Variants in PRPS1 observed in about 807,000 individuals in gnomAD.
The protein encoded by PRPS1 is ribose-phosphate pyrophosphokinase 1.
A neutral mutation model predicts 16.9 loss-of-function variants in PRPS1; 1 was observed. That is an observed-to-expected ratio of 0.06 (90% CI 0.02 to 0.28). PRPS1 has a LOEUF of 0.28. Ranked by LOEUF, PRPS1 falls within the 10% of genes least tolerant of loss-of-function variation. The pLI is 1.00. For missense variants in PRPS1, 47 were observed against 254.0 expected (o/e 0.19, Z 5.54); for synonymous variants, 70 against 90.2 (o/e 0.78, Z 1.27).
chrX:107,647,582 C>A, intron 5 of PRPS1, 24 bp from the exon 6 acceptor site: 1 of 1,209,540 alleles, frequency 8.3e-7, no homozygotes, highest in Non-Finnish European at 1.1e-6. Context: ...AAGATGAATC[C>A]AAATCAACAT....
intron 1 of PRPS1, chrX:107,630,285 G>A (rs1004004768): frequency 1.8e-5 from 2 of 112,181 alleles, no homozygotes; most frequent in Non-Finnish European, 3.8e-5. Flanking sequence ...GTTTTCTTTG[G>A]CCCCTGTGGA....
At chrX:107,639,192 A>G (rs1925518409) in intron 1 of PRPS1, 103 bp from the exon 2 acceptor site, 7 of 996,351 alleles carry the variant, frequency 7.0e-6, no homozygotes, top group South Asian at 5.9e-5. Flanking sequence ...AATATTTTCA[A>G]TCCACACTTG....
At chrX:107,638,639 T>C (rs1048164286) in intron 1 of PRPS1, among the ~76,000 whole-genome samples, 2 of 111,696 alleles carry the variant, frequency 1.8e-5, no homozygotes, top group Non-Finnish European at 3.8e-5. Context: ...CAGGCTGGTT[T>C]TGAACTCCTG....
rs1249855446 is a variant in PRPS1, at chrX:107,650,615, G to A, written c.*583G>A. 3.3e-6 allele frequency: 1 copy of A among 307,673 alleles called. No individual in the cohort carries two copies. The highest frequency in any genetic ancestry group is 4.6e-5 in the East Asian group (1 of 21,658). The allele number at this position is 307,673 out of a possible 1,213,427, so 25.4% of individuals were successfully genotyped here. ...AGCAAATGTTTCTTGGGAGGAAGAA[G>A]CCTGATCCATCACCATCTGCTTGAC... On this transcript the variant is annotated 3_prime_UTR_variant, in exon 7 of 7. Coordinates refer to ENST00000372435, the MANE Select transcript of PRPS1 (RefSeq NM_002764.4).
chrX:107,650,377 A>G lies in PRPS1; in HGVS notation c.*345A>G. On this transcript the variant is annotated 3_prime_UTR_variant, in exon 7 of 7. Coordinates refer to ENST00000372435, the MANE Select transcript of PRPS1 (RefSeq NM_002764.4). ...AGACTACTTTGTATGTGAATGCTTC[A>G]GGGTTTTCTTTGTTGAGAACAACTA... 2.4e-6 allele frequency: 1 copy of G among 409,426 alleles called. No homozygotes were observed. Among genetic ancestry groups the G allele is most frequent in the Non-Finnish European group, 4.2e-6 (1 of 236,905 alleles). 33.7% of individuals were successfully genotyped at this position (409,426 alleles called of 1,213,427 possible).
intron 6 of PRPS1, 116 bp from the exon 7 acceptor site, chrX:107,649,824 C>T: frequency 8.8e-7 from 1 of 1,136,831 alleles, no homozygotes; most frequent in Non-Finnish European, 1.2e-6. Flanking sequence ...GGAAACAGCA[C>T]AGTGTTGCAG....
At chrX:107,648,715 T>G (rs1019733407) in intron 6 of PRPS1, among the ~76,000 whole-genome samples, 5 of 111,407 alleles carry the variant, frequency 4.5e-5, no homozygotes, top group African/African-American at 1.6e-4. Context: ...AAGGATTTTT[T>G]TTCAACTTAG....
intron 1 of PRPS1, among the ~76,000 whole-genome samples, chrX:107,630,738 A>AAC (rs111543861): frequency 0.17 from 15,857 of 95,710 alleles, 1,425 homozygotes; most frequent in African/African-American, 0.32. Context: ...TTATTTAGGA[A>AAC]ACACACACAC....
intron 2 of PRPS1, 102 bp downstream of exon 2, chrX:107,639,580 T>A: frequency 6.8e-6 from 6 of 879,237 alleles, no homozygotes; most frequent in Non-Finnish European, 9.8e-6. Context: ...GGGGGAATTT[T>A]AAAAATCACC....
intron 1 of PRPS1, among the ~76,000 whole-genome samples, chrX:107,632,567 T>C (rs757839327): frequency 9.8e-5 from 11 of 112,673 alleles, no homozygotes; most frequent in Non-Finnish European, 2.1e-4. Flanking sequence ...GCCAGTCTTC[T>C]GGCCTCACCA....
intron 2 of PRPS1, among the ~76,000 whole-genome samples, chrX:107,639,807 T>G (rs929340996): frequency 9.0e-6 from 1 of 111,568 alleles, no homozygotes; most frequent in African/African-American, 3.3e-5. Flanking sequence ...AACTGTAAGA[T>G]TGGGATCCTA....
At chrX:107,642,980 T>C (rs1925610573) in intron 4 of PRPS1, among the ~76,000 whole-genome samples, 1 of 112,306 alleles carries the variant, frequency 8.9e-6, no homozygotes, top group Non-Finnish European at 1.9e-5. Flanking sequence ...TTAAACAAAC[T>C]GATTGCCAGG....
intron 1 of PRPS1, among the ~76,000 whole-genome samples, chrX:107,637,779 T>G (rs16985261): frequency 0.059 from 6,476 of 109,641 alleles, 481 homozygotes; most frequent in African/African-American, 0.2. Flanking sequence ...GTGATCAATA[T>G]CCACATGTAG....
At chrX:107,648,660 G>C (rs1416033463) in intron 6 of PRPS1, among the ~76,000 whole-genome samples, 3 of 110,400 alleles carry the variant, frequency 2.7e-5, no homozygotes, top group African/African-American at 9.9e-5. Context: ...CTATCCTCCT[G>C]TGTCAGCCTC....
At chrX:107,630,413 A>G (rs757672970) in intron 1 of PRPS1, among the ~76,000 whole-genome samples, 7 of 111,857 alleles carry the variant, frequency 6.3e-5, no homozygotes, top group Non-Finnish European at 1.3e-4. Flanking sequence ...CTGAGGCTAT[A>G]TTGGGAGAGG....
At chrX:107,642,225 A>G in intron 3 of PRPS1, 141 bp from the exon 4 acceptor site, 1 of 894,343 alleles carries the variant, frequency 1.1e-6, no homozygotes, top group Admixed American at 2.5e-5. Flanking sequence ...GGCTTTTATA[A>G]TCTACCACAC....
chrX:107,650,175 C>A lies in PRPS1; in HGVS notation c.*143C>A. On this transcript the variant is annotated 3_prime_UTR_variant, in exon 7 of 7. Transcript: ENST00000372435. ...CACATCAGGTATATTAGAGCTTATCCGAACTGGGGAAAGACGGATTGAGAT... is the reference window on the plus strand; with the variant it reads ...CACATCAGGTATATTAGAGCTTATCAGAACTGGGGAAAGACGGATTGAGAT... 9.4e-7 allele frequency: 1 copy of A among 1,067,518 alleles called. No homozygotes were observed. The allele number at this position is 1,067,518 out of a possible 1,213,427, so 88.0% of individuals were successfully genotyped here.
intron 1 of PRPS1, among the ~76,000 whole-genome samples, chrX:107,633,468 G>A (rs1050273092): frequency 9.2e-6 from 1 of 108,568 alleles, no homozygotes; most frequent in Admixed American, 1.0e-4. Context: ...TAGCTGAGCT[G>A]TTGATTGATT....
chrX:107,641,720 A>AG (rs965054999), intron 3 of PRPS1, among the ~76,000 whole-genome samples: 6 of 112,256 alleles, frequency 5.3e-5, no homozygotes, highest in Admixed American at 9.5e-5. Flanking sequence ...ACCCAAAGTA[A>AG]GGGGGGTGGA....
Sources: gnomAD v4.1 joint callset for allele counts (sites outside exome capture counted in the v4.1 genomes callset) on GRCh38, gnomAD v4.1.1 for gene constraint, MANE v1.5 for transcripts, NCBI Gene and HGNC (gene_info 2026-07-23, HGNC 2026-07-21) for gene names.